TENM3: variants seen among roughly 807,000 people sequenced by gnomAD.
TENM3 encodes the protein teneurin-3.
TENM3 carries 63 observed loss-of-function variants against 255.1 expected under a neutral mutation model. The observed-to-expected ratio is 0.25, with a 90% confidence interval of 0.20 to 0.30. The LOEUF is 0.30. TENM3 is among the 10% of genes least tolerant of loss of function. The probability of loss-of-function intolerance (pLI) is 1.00; values close to 1 mark genes in which losing one functional copy is unlikely to be tolerated. For missense variants in TENM3, 2,929 were observed against 3,461.1 expected (o/e 0.85, Z 3.86); for synonymous variants, 1,306 against 1,322.3 (o/e 0.99, Z 0.27).
chr4:182,532,940 T>C (rs1225341282), intron 3 of TENM3, among the ~76,000 whole-genome samples: 1 of 152,220 alleles, frequency 6.6e-6, no homozygotes, highest in East Asian at 1.9e-4. Flanking sequence ...ATCAATCCGA[T>C]GTGGATAATA....
the TENM3 span, among the ~76,000 whole-genome samples, chr4:181,572,565 A>G: frequency 0.3 from 45,537 of 151,838 alleles, 7,999 homozygotes; most frequent in African/African-American, 0.49. Context: ...TTTTTTGTCA[A>G]TGAGTACATT....
At chr4:182,646,446 A>G (rs1752748978) in intron 5 of TENM3, among the ~76,000 whole-genome samples, 1 of 152,156 alleles carries the variant, frequency 6.6e-6, no homozygotes, top group African/African-American at 2.4e-5. Flanking sequence ...GGATGTGGCA[A>G]TTTAAGAGAT....
At chr4:181,668,574 T>C in the TENM3 span, among the ~76,000 whole-genome samples, 2 of 152,126 alleles carry the variant, frequency 1.3e-5, no homozygotes, top group Non-Finnish European at 2.9e-5. Flanking sequence ...ATAGTGTCCT[T>C]CTTGTAGGTG....
the TENM3 span, among the ~76,000 whole-genome samples, chr4:181,480,036 A>T: frequency 1.3e-5 from 2 of 152,174 alleles, no homozygotes; most frequent in Non-Finnish European, 2.9e-5. Flanking sequence ...AGTACAAATC[A>T]TCATACAAAT....
At chr4:181,920,304 G>A in the TENM3 span, among the ~76,000 whole-genome samples, 10 of 151,924 alleles carry the variant, frequency 6.6e-5, no homozygotes, top group Non-Finnish European at 1.0e-4. Context: ...CTGAGGAATC[G>A]CCACACTGAC....
the TENM3 span, among the ~76,000 whole-genome samples, chr4:181,553,264 T>A: frequency 3.5e-5 from 2 of 56,494 alleles, no homozygotes; most frequent in East Asian, 3.8e-4. Context: ...TCATTAAGTG[T>A]GTGTGTGTGT....
At chr4:182,110,715 A>G in the TENM3 span, among the ~76,000 whole-genome samples, 8 of 152,182 alleles carry the variant, frequency 5.3e-5, no homozygotes, top group Non-Finnish European at 1.0e-4. Flanking sequence ...AACATAACAA[A>G]GGTCTTCCCA....
intron 17 of TENM3, among the ~76,000 whole-genome samples, chr4:182,737,327 C>T (rs1444525737): frequency 1.3e-5 from 2 of 152,170 alleles, no homozygotes; most frequent in Non-Finnish European, 2.9e-5. Context: ...AATGAGGTTT[C>T]AGCTTGTCAC....
At chr4:181,677,972 T>C in the TENM3 span, among the ~76,000 whole-genome samples, 1 of 152,178 alleles carries the variant, frequency 6.6e-6, no homozygotes, top group East Asian at 1.9e-4. Context: ...CTTTCCTTTT[T>C]ATATGGCTTG....
chr4:181,956,224 G>A, the TENM3 span, among the ~76,000 whole-genome samples: 1 of 152,114 alleles, frequency 6.6e-6, no homozygotes, highest in South Asian at 2.1e-4. Context: ...ACCTCCCATA[G>A]GCCCCAGCTC....
Position 182,754,993 on chromosome 4 carries a change from T to C in TENM3, c.4626T>C (p.Leu1542=). 6.2e-7 allele frequency: 1 copy of C among 1,614,038 alleles called. No homozygotes were observed. Among genetic ancestry groups the C allele is most frequent in the Non-Finnish European group, 8.5e-7 (1 of 1,179,882 alleles). ...YTVSLVTGDY[L]YNFSYSNDND... ...TAAGTTTAGTCACTGGTGATTACCT[T>C]TACAATTTTAGCTACAGCAATGACA... Residue 1542 remains leucine, a synonymous_variant, in exon 22 of 28, where the codon CTT becomes CTC. Coordinates refer to ENST00000511685, the MANE Select transcript of TENM3 (RefSeq NM_001080477.4). This position sits in a 1 kb window ranked among gnomAD's most constrained non-coding sequence, Gnocchi z 5.1.
the TENM3 span, among the ~76,000 whole-genome samples, chr4:181,587,628 T>C: frequency 2.0e-5 from 3 of 152,166 alleles, no homozygotes; most frequent in African/African-American, 4.8e-5. Flanking sequence ...GAAATAAGGA[T>C]TCAGTGGGCC....
chr4:182,558,673 T>C (rs981676719), intron 3 of TENM3, among the ~76,000 whole-genome samples: 2 of 152,182 alleles, frequency 1.3e-5, no homozygotes, highest in African/African-American at 4.8e-5. Context: ...TTTAATCTTA[T>C]TATAGCACAA....
the TENM3 span, among the ~76,000 whole-genome samples, chr4:181,793,850 G>A: frequency 6.6e-6 from 1 of 152,152 alleles, no homozygotes; most frequent in South Asian, 2.1e-4. Flanking sequence ...TTGGAATGCT[G>A]TTGAGTATTT....
At chr4:181,572,929 C>G in the TENM3 span, among the ~76,000 whole-genome samples, 6 of 152,170 alleles carry the variant, frequency 3.9e-5, no homozygotes, top group Non-Finnish European at 2.9e-5. Context: ...TCCTTCTACT[C>G]TCTATCCCCA....
At chr4:182,168,989 A>G (rs758944609) in intron 1 of TENM3, among the ~76,000 whole-genome samples, 5 of 152,112 alleles carry the variant, frequency 3.3e-5, no homozygotes, top group Non-Finnish European at 5.9e-5. Context: ...AATCATTCAC[A>G]TGGTCCAAAG....
At chr4:182,585,996 G>A (rs1490858615) in intron 3 of TENM3, among the ~76,000 whole-genome samples, 1 of 152,226 alleles carries the variant, frequency 6.6e-6, no homozygotes, top group African/African-American at 2.4e-5. Context: ...GCTCACGCCT[G>A]TAATCCCAGT....
At chr4:182,209,757 G>A (rs1754863422) in intron 1 of TENM3, among the ~76,000 whole-genome samples, 1 of 152,072 alleles carries the variant, frequency 6.6e-6, no homozygotes, top group Non-Finnish European at 1.5e-5. Flanking sequence ...GGCTTTGAGA[G>A]GTAGATGGAA....
chr4:181,801,551 T>C, the TENM3 span, among the ~76,000 whole-genome samples: 1 of 151,552 alleles, frequency 6.6e-6, no homozygotes, highest in Non-Finnish European at 1.5e-5. Flanking sequence ...TTCATATCTA[T>C]AAGCATTCGT....
Sources: allele counts gnomAD v4.1 joint callset (sites outside exome capture counted in the v4.1 genomes callset), GRCh38; gene constraint gnomAD v4.1.1; non-coding constraint Gnocchi (gnomAD v3.1); transcripts MANE v1.5; gene names NCBI Gene and HGNC (gene_info 2026-07-23, HGNC 2026-07-21).